Variants in MAP2 observed in about 807,000 individuals in gnomAD.
The protein encoded by MAP2 is microtubule-associated protein 2.
A neutral mutation model predicts 137.6 loss-of-function variants in MAP2; 14 were observed. The ratio of observed to expected loss-of-function variants is 0.10; its 90% CI spans 0.07 to 0.16. The LOEUF is 0.16. Among genes scored for constraint, MAP2 ranks in the 10% least tolerant of loss-of-function variants. The pLI, the probability that MAP2 is intolerant of heterozygous loss-of-function variation, is 1.00. For synonymous variants in MAP2, 786 were observed against 782.3 expected, an observed-to-expected ratio of 1.00 and a Z score of -0.08; for missense variants, 2,088 against 2,191.5, an observed-to-expected ratio of 0.95 and a Z score of 0.94.
intron 10 of MAP2, 49 bp from the exon 11 acceptor site, chr2:209,700,228 G>T: frequency 2.0e-6 from 3 of 1,503,546 alleles, no homozygotes; most frequent in South Asian, 2.3e-5. Flanking sequence ...CTGCATTTAT[G>T]ACTTTTTAGC....
intron 10 of MAP2, among the ~76,000 whole-genome samples, chr2:209,698,273 C>G (rs913390886): frequency 1.3e-5 from 2 of 152,118 alleles, no homozygotes; most frequent in African/African-American, 4.8e-5. Context: ...GTAATGCCAA[C>G]TTTTTTCTAA....
intron 13 of MAP2, among the ~76,000 whole-genome samples, chr2:209,712,844 A>G (rs1024059051): frequency 2.6e-5 from 4 of 152,190 alleles, no homozygotes; most frequent in Non-Finnish European, 2.9e-5. Flanking sequence ...AAAGACCTTT[A>G]TTAGATGATC....
chr2:209,605,600 C>T (rs1232609314), intron 3 of MAP2, among the ~76,000 whole-genome samples: 3 of 152,082 alleles, frequency 2.0e-5, no homozygotes, highest in African/African-American at 4.8e-5. Context: ...GTTCAACATC[C>T]TTTATGCCAC....
chr2:209,674,318 AC>A (rs1198242038), intron 5 of MAP2, among the ~76,000 whole-genome samples: 1 of 151,798 alleles, frequency 6.6e-6, no homozygotes, highest in African/African-American at 2.4e-5. Context: ...CTGGTGAAGG[AC>A]TATATAGAAG....
intron 2 of MAP2, among the ~76,000 whole-genome samples, chr2:209,568,757 A>T (rs1027980662): frequency 2.6e-5 from 4 of 151,922 alleles, no homozygotes; most frequent in Admixed American, 1.3e-4. Flanking sequence ...GAATTTGATT[A>T]AATGAAGGTT....
Position 209,696,357 on chromosome 2 carries a change from A to C in MAP2, c.4180+7A>C, listed in dbSNP as rs377700032. 6.7e-7 allele frequency: 1 copy of C among 1,496,272 alleles called. No homozygotes were observed. Among genetic ancestry groups the C allele is most frequent in the Non-Finnish European group, 8.9e-7 (1 of 1,121,040 alleles). The allele number at this position is 1,496,272 out of a possible 1,614,324, so 92.7% of individuals were successfully genotyped here. On this transcript the variant is annotated splice_region_variant and intron_variant, in intron 8 of 15. Coordinates refer to ENST00000682079, the MANE Select transcript of MAP2 (RefSeq NM_001375505.1). Reference sequence around the variant, plus strand: ...CTCTGGGTGGACACTCAAGGTGTGCATTATTATTATTATTATTTTAACTCA... The same window carrying C: ...CTCTGGGTGGACACTCAAGGTGTGCCTTATTATTATTATTATTTTAACTCA...
chr2:209,531,325 T>G (rs992943642), intron 2 of MAP2, among the ~76,000 whole-genome samples: 2 of 152,214 alleles, frequency 1.3e-5, no homozygotes, highest in African/African-American at 4.8e-5. Flanking sequence ...ATCTACTCTT[T>G]ATCATGCAGA....
intron 2 of MAP2, among the ~76,000 whole-genome samples, chr2:209,537,492 T>G (rs779928823): frequency 6.6e-5 from 10 of 152,206 alleles, no homozygotes; most frequent in Non-Finnish European, 1.5e-4. Flanking sequence ...CCAATCCTAA[T>G]GAAAGATAAA....
chr2:209,499,362 C>T (rs2060117952), intron 1 of MAP2, among the ~76,000 whole-genome samples: 1 of 152,156 alleles, frequency 6.6e-6, no homozygotes, highest in Non-Finnish European at 1.5e-5. Flanking sequence ...TTTTGCTGTC[C>T]ATATCACTAT....
chr2:209,663,587 TGA>T (rs1358354283), intron 5 of MAP2, among the ~76,000 whole-genome samples: 1 of 151,964 alleles, frequency 6.6e-6, no homozygotes, highest in African/African-American at 2.4e-5. Context: ...AACACAGAAA[TGA>T]GAGTAAAATA....
chr2:209,516,323 T>C (rs1321435334), intron 2 of MAP2, among the ~76,000 whole-genome samples: 1 of 152,114 alleles, frequency 6.6e-6, no homozygotes, highest in Non-Finnish European at 1.5e-5. Flanking sequence ...ATGCTTCACC[T>C]AGAATGAATA....
intron 3 of MAP2, among the ~76,000 whole-genome samples, chr2:209,610,580 C>G (rs2086496686): frequency 6.6e-6 from 1 of 151,838 alleles, no homozygotes; most frequent in Admixed American, 6.6e-5. Flanking sequence ...TACCAAATAA[C>G]TTGTTATCAA....
chr2:209,479,828 C>T (rs1446681989), intron 1 of MAP2, among the ~76,000 whole-genome samples: 1 of 152,104 alleles, frequency 6.6e-6, no homozygotes, highest in Non-Finnish European at 1.5e-5. Flanking sequence ...TAACTTTCTT[C>T]AGCCTTAGCA....
chr2:209,604,125 A>T (rs550004690), intron 3 of MAP2, among the ~76,000 whole-genome samples: 134 of 152,296 alleles, frequency 8.8e-4, no homozygotes, highest in African/African-American at 2.5e-3. Flanking sequence ...AGTAAGAAGG[A>T]TTGGTGCCAA....
At chr2:209,713,442 C>A (rs2268042) in intron 13 of MAP2, among the ~76,000 whole-genome samples, 18,119 of 152,084 alleles carry the variant, frequency 0.12, 1,396 homozygotes, top group East Asian at 0.23. Context: ...GCTGAAGATA[C>A]AAGGAGCTTT....
At chr2:209,521,577 T>A (rs2063297352) in intron 2 of MAP2, among the ~76,000 whole-genome samples, 1 of 151,902 alleles carries the variant, frequency 6.6e-6, no homozygotes, top group Non-Finnish European at 1.5e-5. Context: ...AAAAATTTTT[T>A]AGGTTGTTAG....
intron 1 of MAP2, among the ~76,000 whole-genome samples, chr2:209,428,249 C>G (rs1693113473): frequency 6.6e-6 from 1 of 152,064 alleles, no homozygotes; most frequent in Non-Finnish European, 1.5e-5. Flanking sequence ...CAGTAAAATT[C>G]TATGGAAAGT....
intron 1 of MAP2, among the ~76,000 whole-genome samples, chr2:209,475,857 A>G (rs1707084841): frequency 6.6e-6 from 1 of 152,244 alleles, no homozygotes; most frequent in East Asian, 1.9e-4. Flanking sequence ...GTATTCCAGA[A>G]CCTTCTATGA....
At chr2:209,718,056 T>C (rs1176807895) in intron 13 of MAP2, among the ~76,000 whole-genome samples, 5 of 152,238 alleles carry the variant, frequency 3.3e-5, no homozygotes, top group Non-Finnish European at 1.5e-5. Context: ...AAAGTCATCA[T>C]TATATCAGAG....
Sources: allele counts gnomAD v4.1 joint callset (sites outside exome capture counted in the v4.1 genomes callset), GRCh38; gene constraint gnomAD v4.1.1; transcripts MANE v1.5; gene names NCBI Gene and HGNC (gene_info 2026-07-23, HGNC 2026-07-21).